The following ZNF516 variants were observed in gnomAD, a reference collection of about 807,000 sequenced individuals.
ZNF516 encodes the protein zinc finger protein 516.
In ZNF516, 19 loss-of-function variants were observed where a neutral mutation model predicts 79.7. That is an observed-to-expected ratio of 0.24 (90% CI 0.17 to 0.35). ZNF516 has a LOEUF of 0.35. ZNF516 is among the 10% of genes least tolerant of loss of function. The probability of loss-of-function intolerance (pLI) is 1.00; values close to 1 mark genes in which losing one functional copy is unlikely to be tolerated. For synonymous variants in ZNF516, 877 were observed against 739.5 expected (o/e 1.19, Z -3.02); for missense variants, 1,678 against 1,679.5 (o/e 1.00, Z 0.02).
At chr18:76,399,185 A>ACAACAGGCATTTATC (rs11267553) in intron 3 of ZNF516, among the ~76,000 whole-genome samples, 105,169 of 151,764 alleles carry the variant, frequency 0.69, 37,098 homozygotes, top group African/African-American at 0.84. Context: ...CCACTTTTCA[A>ACAACAGGCATTTATC]CAACAGGCAT....
chr18:76,371,693 G>A, intron 4 of ZNF516, 122 bp from the exon 5 acceptor site: 1 of 750,846 alleles, frequency 1.3e-6, no homozygotes, highest in Non-Finnish European at 2.2e-6. Flanking sequence ...GTGTCATCAT[G>A]TGAGGCTCCC....
chr18:76,442,356 C>T lies in ZNF516; in HGVS notation c.699G>A (p.Glu233=). 6.2e-7 allele frequency: 1 copy of T among 1,609,710 alleles called. No individual in the cohort carries two copies. Among genetic ancestry groups the T allele is most frequent in the Non-Finnish European group, 8.5e-7 (1 of 1,179,154 alleles). Residue 233 remains glutamate (E), a synonymous_variant, in exon 3 of 7, where the codon GAG becomes GAA. Coordinates refer to ENST00000443185, the MANE Select transcript of ZNF516 (RefSeq NM_014643.4). ...HITAQGPGSG[E]ACVENGKPEL... ...CGGGCTTGCCGTTCTCCACGCAGGC[C>T]TCGCCGCTGCCGGGCCCCTGCGCGG...
chr18:76,470,981 C>G (rs2145726789), intron 1 of ZNF516, among the ~76,000 whole-genome samples: 1 of 152,318 alleles, frequency 6.6e-6, no homozygotes, highest in South Asian at 2.1e-4. Flanking sequence ...TTTTCTATTC[C>G]TTTCTCCTTC....
At chr18:76,481,546 C>G (rs1048053354) in intron 1 of ZNF516, among the ~76,000 whole-genome samples, 2 of 152,226 alleles carry the variant, frequency 1.3e-5, no homozygotes, top group Non-Finnish European at 2.9e-5. Context: ...AAAAGGTGAG[C>G]TGCTTAATAA....
At chr18:76,368,563 G>A (rs1374918196) in intron 6 of ZNF516, among the ~76,000 whole-genome samples, 1 of 151,512 alleles carries the variant, frequency 6.6e-6, no homozygotes, top group Admixed American at 6.6e-5. Flanking sequence ...TAATACACAG[G>A]CTAAGTCTGA....
chr18:76,411,929 T>C (rs1231099421), intron 3 of ZNF516, among the ~76,000 whole-genome samples: 2 of 152,222 alleles, frequency 1.3e-5, no homozygotes, highest in South Asian at 2.1e-4. Context: ...GCAAAGCACA[T>C]AGGTCATCTT....
intron 3 of ZNF516, among the ~76,000 whole-genome samples, chr18:76,401,344 T>C (rs2075217979): frequency 6.6e-6 from 1 of 152,008 alleles, no homozygotes; most frequent in Non-Finnish European, 1.5e-5. Flanking sequence ...AATTACTGCA[T>C]TTATCTTCTC....
In ZNF516 at chr18:76,361,741, C is replaced by T. The variant is rs999762332; in HGVS notation, c.*757G>A. On this transcript the variant is annotated 3_prime_UTR_variant, in exon 7 of 7. Coordinates refer to ENST00000443185, the MANE Select transcript of ZNF516 (RefSeq NM_014643.4). ...AAGAAGCCTGCTTTTCTTAGTGTTG[C>T]GCTAGCTCTCTTCCGAGGCGGAATC... 1 of 152,226 alleles carries T rather than the reference C, an allele frequency of 6.6e-6. No individual in the cohort carries two copies. Among genetic ancestry groups the T allele is most frequent in the African/African-American group, 2.4e-5 (1 of 41,446 alleles). The allele number at this position is 152,226 out of a possible 1,614,324, so 9.4% of individuals were successfully genotyped here.
At chr18:76,389,724 T>C (rs571082392) in intron 3 of ZNF516, among the ~76,000 whole-genome samples, 2 of 152,316 alleles carry the variant, frequency 1.3e-5, no homozygotes, top group South Asian at 2.1e-4. Context: ...AACACACTTC[T>C]TGAAACAAAA....
chr18:76,419,677 C>T (rs980092274), intron 3 of ZNF516, among the ~76,000 whole-genome samples: 1 of 152,204 alleles, frequency 6.6e-6, no homozygotes, highest in African/African-American at 2.4e-5. Flanking sequence ...TTCCCCTGCA[C>T]AAGCCCTCTT....
intron 3 of ZNF516, chr18:76,385,657 C>T (rs2074976042): frequency 6.6e-6 from 1 of 152,218 alleles, no homozygotes; most frequent in East Asian, 1.9e-4. Flanking sequence ...ATAAACAGGA[C>T]CCCAGGAGCG....
chr18:76,401,742 TC>T (rs2075227475), intron 3 of ZNF516, among the ~76,000 whole-genome samples: 1 of 76,460 alleles, frequency 1.3e-5, no homozygotes, highest in Admixed American at 1.5e-4. Context: ...GCCGCATCTC[TC>T]CACCACCAAC....
intron 6 of ZNF516, among the ~76,000 whole-genome samples, chr18:76,366,477 A>G (rs1192579981): frequency 2.0e-5 from 3 of 152,210 alleles, no homozygotes; most frequent in Non-Finnish European, 4.4e-5. Flanking sequence ...ATAATTAACG[A>G]CAAGTCTCTT....
chr18:76,397,972 C>T (rs2075168659), intron 3 of ZNF516, among the ~76,000 whole-genome samples: 1 of 152,102 alleles, frequency 6.6e-6, no homozygotes, highest in Non-Finnish European at 1.5e-5. Flanking sequence ...ACAAATTATT[C>T]GTGTTACTTT....
intron 3 of ZNF516, among the ~76,000 whole-genome samples, chr18:76,411,336 C>G (rs2145303188): frequency 6.6e-6 from 1 of 152,350 alleles, no homozygotes; most frequent in Middle Eastern, 3.4e-3. Context: ...TCTACATCAA[C>G]AGCCTCCAAA....
chr18:76,430,179 G>C (rs1015918946), intron 3 of ZNF516, among the ~76,000 whole-genome samples: 4 of 152,154 alleles, frequency 2.6e-5, no homozygotes, highest in Admixed American at 6.5e-5. Context: ...CTTGATTTCA[G>C]TCTCATGGCC....
intron 1 of ZNF516, among the ~76,000 whole-genome samples, chr18:76,476,252 G>A (rs1914166922): frequency 6.6e-6 from 1 of 152,166 alleles, no homozygotes; most frequent in Non-Finnish European, 1.5e-5. Context: ...TTTATAGTAT[G>A]AAAAGAAAGG....
intron 1 of ZNF516, chr18:76,491,648 C>A: frequency 2.8e-6 from 2 of 714,286 alleles, no homozygotes; most frequent in African/African-American, 2.0e-5. Flanking sequence ...CTCCTGGCAG[C>A]CCAGCAACAA....
chr18:76,476,721 G>C (rs969277868), intron 1 of ZNF516, among the ~76,000 whole-genome samples: 5 of 152,156 alleles, frequency 3.3e-5, no homozygotes, highest in African/African-American at 9.7e-5. Context: ...TCTAAGAAAG[G>C]GATGTTTTAA....
Sources: allele counts gnomAD v4.1 joint callset (sites outside exome capture counted in the v4.1 genomes callset), GRCh38; gene constraint gnomAD v4.1.1; transcripts MANE v1.5; gene names NCBI Gene and HGNC (gene_info 2026-07-23, HGNC 2026-07-21).